TASP1: variants seen among roughly 807,000 people sequenced by gnomAD.
The protein encoded by TASP1 is threonine aspartase 1.
In TASP1, 16 loss-of-function variants were observed where a neutral mutation model predicts 56.6. The ratio of observed to expected loss-of-function variants is 0.28; its 90% CI spans 0.19 to 0.43. The LOEUF (loss-of-function observed/expected upper bound fraction) is 0.43, where lower values mean the gene tolerates loss of function less well. TASP1 is among the 20% of genes least tolerant of loss of function. The pLI is 1.00. For missense variants in TASP1, 393 were observed against 511.6 expected, an observed-to-expected ratio of 0.77 and a Z score of 2.24; for synonymous variants, 179 against 184.2, an observed-to-expected ratio of 0.97 and a Z score of 0.23.
the TASP1 span, among the ~76,000 whole-genome samples, chr20:13,153,196 G>A: frequency 6.6e-6 from 1 of 152,180 alleles, no homozygotes; most frequent in African/African-American, 2.4e-5. Context: ...TTTGAAGCAG[G>A]ACCCGAGTAG....
chr20:13,436,135 T>A (rs1344482924), intron 11 of TASP1, among the ~76,000 whole-genome samples: 1 of 151,058 alleles, frequency 6.6e-6, no homozygotes, highest in Non-Finnish European at 1.5e-5. Context: ...AAAACTGGAG[T>A]GGAGGATACC....
At chr20:13,171,930 G>A in the TASP1 span, among the ~76,000 whole-genome samples, 1 of 151,952 alleles carries the variant, frequency 6.6e-6, no homozygotes, top group Non-Finnish European at 1.5e-5. Context: ...AGAATAGGCT[G>A]ATATGTAAAG....
chr20:13,149,720 C>T, the TASP1 span, among the ~76,000 whole-genome samples: 2 of 152,170 alleles, frequency 1.3e-5, no homozygotes, highest in Admixed American at 1.3e-4. Context: ...CCCTGGATAT[C>T]ATCTGTTTGG....
chr20:13,561,872 T>C (rs1296151527), intron 7 of TASP1, among the ~76,000 whole-genome samples: 2 of 131,264 alleles, frequency 1.5e-5, no homozygotes, highest in African/African-American at 5.2e-5. Context: ...ATCCCCATTG[T>C]AACCACAAAA....
the TASP1 span, among the ~76,000 whole-genome samples, chr20:13,324,061 G>A: frequency 5.3e-3 from 812 of 152,216 alleles, 10 homozygotes; most frequent in African/African-American, 0.017. Context: ...ATTATAAGTC[G>A]AGAAGTATTT....
chr20:13,300,340 C>T, the TASP1 span: 44 of 152,040 alleles, frequency 2.9e-4, no homozygotes, highest in South Asian at 1.0e-3. Context: ...GATAATGGAC[C>T]GCATTTCACC....
At chr20:13,482,896 T>G (rs565564763) in intron 11 of TASP1, among the ~76,000 whole-genome samples, 53 of 152,330 alleles carry the variant, frequency 3.5e-4, no homozygotes, top group African/African-American at 1.3e-3. Flanking sequence ...AGACCTTAAA[T>G]GCCTATTCAT....
intron 4 of TASP1, among the ~76,000 whole-genome samples, chr20:13,592,189 G>C (rs1003794009): frequency 3.3e-5 from 5 of 151,996 alleles, no homozygotes; most frequent in African/African-American, 1.2e-4. Flanking sequence ...ACGAGGTCAG[G>C]AGTTCAAGAC....
chr20:13,349,070 C>T, the TASP1 span, among the ~76,000 whole-genome samples: 1 of 152,108 alleles, frequency 6.6e-6, no homozygotes, highest in East Asian at 1.9e-4. Context: ...GATGATTTTC[C>T]TATAAACAAA....
chr20:13,300,915 C>T, the TASP1 span, among the ~76,000 whole-genome samples: 1 of 152,224 alleles, frequency 6.6e-6, no homozygotes, highest in African/African-American at 2.4e-5. Context: ...AGGCTTAAGA[C>T]AGCCCAGATG....
intron 13 of TASP1, chr20:13,393,445 T>A (rs2041371346): frequency 1.3e-6 from 1 of 782,110 alleles, no homozygotes; most frequent in Admixed American, 1.8e-5. Flanking sequence ...TATGATGATA[T>A]CAAGAAGGTG....
chr20:13,353,435 A>G, the TASP1 span, among the ~76,000 whole-genome samples: 7 of 152,192 alleles, frequency 4.6e-5, no homozygotes, highest in Non-Finnish European at 7.3e-5. Flanking sequence ...AAGCAATACT[A>G]TCTGTGACAT....
At chr20:13,249,892 C>A in the TASP1 span, among the ~76,000 whole-genome samples, 2 of 152,000 alleles carry the variant, frequency 1.3e-5, no homozygotes, top group African/African-American at 4.8e-5. Flanking sequence ...CTCTCTTTTC[C>A]TTTTTTCTCA....
chr20:13,336,121 C>A, the TASP1 span, among the ~76,000 whole-genome samples: 416 of 152,222 alleles, frequency 2.7e-3, 3 homozygotes, highest in African/African-American at 9.9e-3. Context: ...ATCCAAAAGG[C>A]TTCTCAATAA....
intron 10 of TASP1, among the ~76,000 whole-genome samples, chr20:13,485,539 T>A (rs561877950): frequency 6.6e-6 from 1 of 152,284 alleles, no homozygotes; most frequent in African/African-American, 2.4e-5. Flanking sequence ...AAAGCGTAAA[T>A]GCAAACATCC....
chr20:13,283,020 C>T, the TASP1 span, among the ~76,000 whole-genome samples: 1 of 152,164 alleles, frequency 6.6e-6, no homozygotes. Flanking sequence ...TGAGAATTCC[C>T]CTTTTCTTTC....
intron 10 of TASP1, among the ~76,000 whole-genome samples, chr20:13,505,502 C>T (rs1467501095): frequency 1.3e-5 from 2 of 152,134 alleles, no homozygotes; most frequent in Admixed American, 6.6e-5. Flanking sequence ...ACACAGGATA[C>T]TTTCCAGGAT....
intron 13 of TASP1, among the ~76,000 whole-genome samples, chr20:13,401,056 C>T (rs1399822421): frequency 1.3e-5 from 2 of 152,116 alleles, no homozygotes; most frequent in East Asian, 1.9e-4. Context: ...GGAAGTGAAG[C>T]GCCCAGGCTT....
chr20:13,600,768 T>C (rs1280050809), intron 4 of TASP1, among the ~76,000 whole-genome samples: 1 of 152,160 alleles, frequency 6.6e-6, no homozygotes, highest in East Asian at 1.9e-4. Flanking sequence ...ATTATACATA[T>C]ACATATGTGT....
Sources: allele counts gnomAD v4.1 joint callset (sites outside exome capture counted in the v4.1 genomes callset), GRCh38; gene constraint gnomAD v4.1.1; transcripts MANE v1.5; gene names NCBI Gene and HGNC (gene_info 2026-07-23, HGNC 2026-07-21).